ZBBX: variants seen among roughly 807,000 people sequenced by gnomAD.
The protein encoded by ZBBX is zinc finger B-box domain containing, also known as zinc finger B-box domain-containing protein 1.
A neutral mutation model predicts 108.5 loss-of-function variants in ZBBX; 101 were observed. The ratio of observed to expected loss-of-function variants is 0.93; its 90% confidence interval spans 0.79 to 1.10. The LOEUF (loss-of-function observed/expected upper bound fraction) is 1.10, where lower values mean the gene tolerates loss of function less well. Ranked by LOEUF, ZBBX falls within the 50% of genes least tolerant of loss-of-function variation. The pLI, the probability that ZBBX is intolerant of heterozygous loss-of-function variation, is 0.00. For synonymous variants in ZBBX, 356 were observed against 323.4 expected (o/e 1.10, Z -1.08); for missense variants, 1,009 against 941.4 (o/e 1.07, Z -0.94).
At chr3:167,390,385 G>T (rs1748050959) in intron 1 of ZBBX, among the ~76,000 whole-genome samples, 1 of 151,928 alleles carries the variant, frequency 6.6e-6, no homozygotes, top group African/African-American at 2.4e-5. Flanking sequence ...GTATACCATA[G>T]ACTTGTAGTA....
At position 167,317,046 on chromosome 3, in the gene ZBBX, C is replaced by T. The variant is rs771943270; in HGVS notation, c.1153G>A (p.Glu385Lys). 6.2e-7 allele frequency: 1 copy of T among 1,610,624 alleles called. No individual in the cohort carries two copies. Among genetic ancestry groups the T allele is most frequent in the Admixed American group, 1.7e-5 (1 of 59,688 alleles). Residue 385 changes from glutamate (E) to lysine (K), a missense_variant, in exon 14 of 22, where the codon GAG becomes AAG. Coordinates refer to ENST00000675490, the MANE Select transcript of ZBBX (RefSeq NM_001199201.2). The stretch of plus-strand genomic sequence containing the variant: ...ATCTTTAGAGATGGTTCAGGTCTCT[C>T]TATGTTTAATGTTTCTACTGGCAAT... ...LLLPVETLNI[E>K]RPEPSLKIVE...
At chr3:167,312,920 G>A (rs986736507) in intron 16 of ZBBX, among the ~76,000 whole-genome samples, 8 of 152,014 alleles carry the variant, frequency 5.3e-5, no homozygotes, top group Non-Finnish European at 1.0e-4. Context: ...TATGCCCTCC[G>A]ATATCTCTCA....
chr3:167,231,908 T>C, the ZBBX span, among the ~76,000 whole-genome samples: 58 of 151,946 alleles, frequency 3.8e-4, no homozygotes, highest in African/African-American at 1.3e-3. Context: ...TTGACCGGTA[T>C]AGAATGAAAT....
At chr3:167,340,888 G>A (rs572132923) in intron 9 of ZBBX, among the ~76,000 whole-genome samples, 8 of 151,912 alleles carry the variant, frequency 5.3e-5, no homozygotes, top group Non-Finnish European at 1.0e-4. Context: ...AATTGCAATG[G>A]AAGAACTAAC....
At chr3:167,202,888 G>A in the ZBBX span, among the ~76,000 whole-genome samples, 11 of 152,032 alleles carry the variant, frequency 7.2e-5, no homozygotes, top group Admixed American at 5.9e-4. Flanking sequence ...TCTCAACTTC[G>A]AAGGTTCTTC....
intron 16 of ZBBX, among the ~76,000 whole-genome samples, chr3:167,309,999 G>T (rs1734308744): frequency 6.6e-6 from 1 of 152,054 alleles, no homozygotes; most frequent in African/African-American, 2.4e-5. Context: ...TATGCTTTTT[G>T]AAACAGCCAG....
rs1224646190 is a variant in ZBBX at position 167,268,491 on chromosome 3, A to AGATGATAATAAAGAGAT, written c.2254+13746_2254+13747insATCTCTTTATTATCATC. Among the ~76,000 whole-genome samples the AGATGATAATAAAGAGAT allele has an allele frequency of 2.0e-5, 3 of 152,036 alleles. 1 individual carries two copies. Among genetic ancestry groups the AGATGATAATAAAGAGAT allele is most frequent in the Non-Finnish European group, 4.4e-5 (3 of 68,018 alleles). On this transcript the variant is annotated intron_variant, in intron 20 of 21. Coordinates refer to ENST00000675490, the MANE Select transcript of ZBBX (RefSeq NM_001199201.2). Reference sequence around the variant, plus strand: ...TTGGAAAATATACAAGACCTAAGGGAGATGATAATAAAGAGAATTAGGGAA... The same window carrying AGATGATAATAAAGAGAT: ...TTGGAAAATATACAAGACCTAAGGGAGATGATAATAAAGAGATGATGATAATAAAGAGAATTAGGGAA...
chr3:167,366,818 G>T, intron 5 of ZBBX: 1 of 455,760 alleles, frequency 2.2e-6, no homozygotes, highest in Non-Finnish European at 4.4e-6. Context: ...TCTCAGATGA[G>T]TATCATGATC....
chr3:167,372,325 A>G (rs1389632969), intron 4 of ZBBX, among the ~76,000 whole-genome samples: 1 of 151,982 alleles, frequency 6.6e-6, no homozygotes, highest in African/African-American at 2.4e-5. Context: ...AGGGAGCTAT[A>G]CTCTCCCATA....
the ZBBX span, among the ~76,000 whole-genome samples, chr3:167,222,655 T>C: frequency 6.6e-6 from 1 of 151,982 alleles, no homozygotes; most frequent in South Asian, 2.1e-4. Flanking sequence ...ATTGTATGCC[T>C]GTATCAAAAT....
chr3:167,325,850 A>G (rs1226677444), intron 11 of ZBBX, among the ~76,000 whole-genome samples: 1 of 152,174 alleles, frequency 6.6e-6, no homozygotes, highest in Non-Finnish European at 1.5e-5. Context: ...AAATAACAGT[A>G]AAAAGCCAGT....
At chr3:167,235,168 G>A (rs920262550), downstream of ZBBX, among the ~76,000 whole-genome samples, 1 of 151,578 alleles carries the variant, frequency 6.6e-6, no homozygotes, top group Non-Finnish European at 1.5e-5. Flanking sequence ...TTATCCAGTA[G>A]CCTAACCTAC....
At chr3:167,307,709 G>A (rs1413535089) in intron 16 of ZBBX, among the ~76,000 whole-genome samples, 1 of 152,122 alleles carries the variant, frequency 6.6e-6, no homozygotes, top group Non-Finnish European at 1.5e-5. Flanking sequence ...AACAAGCAAT[G>A]GGGAAAGGAT....
the ZBBX span, among the ~76,000 whole-genome samples, chr3:167,191,454 C>G: frequency 1.3e-5 from 2 of 152,242 alleles, no homozygotes; most frequent in South Asian, 4.1e-4. Context: ...GTGGGAGGAA[C>G]CCAGTGGGAG....
intron 8 of ZBBX, among the ~76,000 whole-genome samples, chr3:167,353,041 C>T (rs554900147): frequency 2.0e-5 from 3 of 152,206 alleles, no homozygotes; most frequent in Non-Finnish European, 2.9e-5. Flanking sequence ...GTGTCTAAAA[C>T]GTTGCCCCTA....
chr3:167,367,127 A>G (rs1325571930), intron 5 of ZBBX, among the ~76,000 whole-genome samples: 2 of 151,908 alleles, frequency 1.3e-5, no homozygotes, highest in Non-Finnish European at 2.9e-5. Context: ...GGACTAAACA[A>G]AAGTTAATTT....
chr3:167,240,377 G>A lies in ZBBX; in HGVS notation c.*416C>T, dbSNP rs1316771167. 2 of 152,604 alleles carry A rather than the reference G, an allele frequency of 1.3e-5. No homozygotes were observed. Among genetic ancestry groups the A allele is most frequent in the Admixed American group, 6.5e-5 (1 of 15,298 alleles). The allele number at this position is 152,604 out of a possible 1,614,324, so 9.5% of individuals were successfully genotyped here. A position where few individuals can be genotyped will look rare whatever the true frequency, so the allele number is the denominator to read the frequency against. On this transcript the variant is annotated 3_prime_UTR_variant, in exon 22 of 22. Transcript: ENST00000675490. ...TGTTAAAAACCAGAAAATAAACAGT[G>A]TAATTATAGGTTCAATTGATGATAC...
the ZBBX span, among the ~76,000 whole-genome samples, chr3:167,215,355 A>G: frequency 2.6e-5 from 4 of 152,190 alleles, no homozygotes; most frequent in African/African-American, 9.6e-5. Context: ...GAACACCTCT[A>G]TGTACACAAA....
chr3:167,391,977 GATAA>G (rs977762312), intron 1 of ZBBX, among the ~76,000 whole-genome samples: 36 of 151,562 alleles, frequency 2.4e-4, no homozygotes, highest in African/African-American at 8.7e-4. Flanking sequence ...GAAGCTCCAA[GATAA>G]ATATAGATAT....
Sources: gnomAD v4.1 joint callset for allele counts (sites outside exome capture counted in the v4.1 genomes callset) on GRCh38, gnomAD v4.1.1 for gene constraint, MANE v1.5 for transcripts, NCBI Gene and HGNC (gene_info 2026-07-23, HGNC 2026-07-21) for gene names.